The following AHI1 variants were observed in gnomAD, a reference collection of about 807,000 sequenced individuals.
The protein encoded by AHI1 is Abelson helper integration site 1, also known as jouberin.
Under a neutral mutation model 149.3 loss-of-function variants are expected in AHI1, and 123 were observed. That is an observed-to-expected ratio of 0.82 (90% CI 0.71 to 0.96). The LOEUF is 0.96. Among genes scored for constraint, AHI1 ranks in the 40% least tolerant of loss-of-function variants. AHI1 has a pLI of 0.00. For missense variants in AHI1, 1,439 were observed against 1,422.7 expected (o/e 1.01, Z -0.18); for synonymous variants, 475 against 459.8 (o/e 1.03, Z -0.42).
In AHI1 at chr6:135,442,709, G is replaced by A; in HGVS notation, c.1785C>T (p.Cys595=). 6.2e-7 allele frequency: 1 copy of A among 1,602,762 alleles called. No homozygotes were observed. Among genetic ancestry groups the A allele is most frequent in the Non-Finnish European group, 8.5e-7 (1 of 1,175,346 alleles). Residue 595 remains cysteine (C), a synonymous_variant, in exon 14 of 29, where the codon TGC becomes TGT. Transcript: ENST00000265602. Reference sequence around the variant, plus strand: ...AGAAGAGGTGTTTGTTTGGGATACGGCAAGCCTAAAAAACATACGTTTAAA... The same window carrying A: ...AGAAGAGGTGTTTGTTTGGGATACGACAAGCCTAAAAAACATACGTTTAAA... ...IKWKRLPGQA[C]RIPNKHLFSL...
intron 22 of AHI1, among the ~76,000 whole-genome samples, chr6:135,402,206 C>T (rs1467929406): frequency 1.3e-5 from 2 of 152,078 alleles, no homozygotes; most frequent in Admixed American, 6.6e-5. Flanking sequence ...GAACCTCATT[C>T]GTACACTGCT....
intron 26 of AHI1, among the ~76,000 whole-genome samples, chr6:135,317,463 C>T (rs1376435186): frequency 6.7e-6 from 1 of 148,996 alleles, no homozygotes; most frequent in Non-Finnish European, 1.5e-5. Context: ...ATTTTTGCAT[C>T]CTAGATGCCT....
chr6:135,326,849 T>C (rs1260002091), intron 24 of AHI1, among the ~76,000 whole-genome samples: 1 of 152,164 alleles, frequency 6.6e-6, no homozygotes, highest in East Asian at 1.9e-4. Context: ...CGTGAACCAC[T>C]GCACCTGGCC....
chr6:135,392,953 T>C (rs1399083816), intron 23 of AHI1, among the ~76,000 whole-genome samples: 1 of 152,210 alleles, frequency 6.6e-6, no homozygotes, highest in Non-Finnish European at 1.5e-5. Context: ...ATTATGCTTT[T>C]GAAATTTTTC....
chr6:135,470,125 A>G (rs1583398802), intron 5 of AHI1, among the ~76,000 whole-genome samples: 1 of 152,202 alleles, frequency 6.6e-6, no homozygotes, highest in African/African-American at 2.4e-5. Context: ...TGTGAGAAAA[A>G]AACTAAACGA....
At chr6:135,323,398 C>G in intron 24 of AHI1, 74 bp from the exon 25 acceptor site, 6 of 1,504,088 alleles carry the variant, frequency 4.0e-6, no homozygotes, top group Non-Finnish European at 5.4e-6. Flanking sequence ...TTCACTTCCT[C>G]TTGCAGAAGA....
intron 23 of AHI1, among the ~76,000 whole-genome samples, chr6:135,375,287 C>T (rs1003312142): frequency 7.9e-5 from 12 of 151,328 alleles, no homozygotes; most frequent in African/African-American, 2.7e-4. Flanking sequence ...GTAAGAATAC[C>T]TTAAAAAAAT....
Position 135,386,986 on chromosome 6 carries a change from G to C in AHI1, c.3109+7790C>G, listed in dbSNP as rs145341091. Reference sequence around the variant, plus strand: ...TCTGTCTCGACCTCCAGGCTCAAGTGATCCTGCCATTTCAGCCTCTTGAGC... The same window carrying C: ...TCTGTCTCGACCTCCAGGCTCAAGTCATCCTGCCATTTCAGCCTCTTGAGC... On this transcript the variant is annotated intron_variant, in intron 23 of 28. Transcript: ENST00000265602. 8.0e-3 allele frequency among the ~76,000 whole-genome samples: 1,210 copies of C among 152,104 alleles called. 8 individuals are homozygous for C. Among genetic ancestry groups the C allele is most frequent in the Non-Finnish European group, 0.012 (791 of 67,962 alleles).
Position 135,497,680 on chromosome 6 carries a change from C to T in AHI1, c.-299G>A, listed in dbSNP as rs113052089. 5,716 of 163,520 alleles carry T rather than the reference C, an allele frequency of 0.035. 156 individuals carry two copies. The highest frequency in any genetic ancestry group is 0.048 in the Admixed American group (733 of 15,318). The allele number at this position is 163,520 out of a possible 1,614,324, so 10.1% of individuals were successfully genotyped here. ...CTAGCGGCGCGTGCGCGAAGTGAGG[C>T]GGCCACGCAGCCACCTAACCCGCCA... On this transcript the variant is annotated 5_prime_UTR_variant, in exon 1 of 29. Transcript: ENST00000265602.
intron 23 of AHI1, among the ~76,000 whole-genome samples, chr6:135,373,590 A>G (rs1467719510): frequency 6.6e-6 from 1 of 152,208 alleles, no homozygotes; most frequent in Non-Finnish European, 1.5e-5. Context: ...TTTGTAGAAA[A>G]TCAGATCATG....
At chr6:135,493,719 A>G (rs1468319024) in intron 3 of AHI1, among the ~76,000 whole-genome samples, 1 of 152,180 alleles carries the variant, frequency 6.6e-6, no homozygotes, top group Non-Finnish European at 1.5e-5. Flanking sequence ...GGCCAGGAAA[A>G]AGCTGACCTA....
intron 26 of AHI1, among the ~76,000 whole-genome samples, chr6:135,313,491 G>C (rs1181032219): frequency 6.6e-6 from 1 of 152,090 alleles, no homozygotes; most frequent in African/African-American, 2.4e-5. Context: ...TAAGGTTTGG[G>C]CATCAGTGGG....
intron 23 of AHI1, among the ~76,000 whole-genome samples, chr6:135,374,518 T>C (rs888380829): frequency 6.6e-6 from 1 of 152,124 alleles, no homozygotes; most frequent in African/African-American, 2.4e-5. Flanking sequence ...TATAATTTTA[T>C]ATCTAGTAAG....
chr6:135,480,986 C>T (rs1335849201), intron 5 of AHI1, among the ~76,000 whole-genome samples: 1 of 152,220 alleles, frequency 6.6e-6, no homozygotes, highest in Non-Finnish European at 1.5e-5. Context: ...TCCCCCCCGG[C>T]CCACTCCATG....
intron 26 of AHI1, among the ~76,000 whole-genome samples, chr6:135,310,434 T>A (rs964314627): frequency 6.6e-6 from 1 of 152,186 alleles, no homozygotes. Flanking sequence ...GGAACTACCA[T>A]GAAGTTATCT....
chr6:135,338,780 T>C (rs1017202431), intron 24 of AHI1, among the ~76,000 whole-genome samples: 3 of 152,214 alleles, frequency 2.0e-5, no homozygotes, highest in African/African-American at 2.4e-5. Context: ...CTCACAACTA[T>C]GGCTGCTGTG....
Position 135,497,714 on chromosome 6 carries a change from T to G in AHI1, c.-333A>C, listed in dbSNP as rs564464576. The G allele has an allele frequency of 1.2e-5, 2 of 170,206 alleles. No individual in the cohort carries two copies. Among genetic ancestry groups the G allele is most frequent in the Non-Finnish European group, 2.6e-5 (2 of 76,788 alleles). The allele number at this position is 170,206 out of a possible 1,614,324, so 10.5% of individuals were successfully genotyped here. Reference sequence around the variant, plus strand: ...AGCCACCTAACCCGCCAGCGACCCGTGTCCTGAAAGCAAGCCGCGGCTCTG... The same window carrying G: ...AGCCACCTAACCCGCCAGCGACCCGGGTCCTGAAAGCAAGCCGCGGCTCTG... On this transcript the variant is annotated 5_prime_UTR_variant, in exon 1 of 29. Coordinates refer to ENST00000265602, the MANE Select transcript of AHI1 (RefSeq NM_001134831.2).
chr6:135,480,528 G>A (rs1157058409), intron 5 of AHI1, among the ~76,000 whole-genome samples: 9 of 152,002 alleles, frequency 5.9e-5, no homozygotes, highest in African/African-American at 1.2e-4. Context: ...TTTGTGCTAC[G>A]TGGGTCTTAC....
At chr6:135,314,432 C>A (rs1049252912) in intron 26 of AHI1, among the ~76,000 whole-genome samples, 5 of 152,184 alleles carry the variant, frequency 3.3e-5, no homozygotes, top group Non-Finnish European at 7.3e-5. Flanking sequence ...GTTATTTAAG[C>A]CACCCAGTCT....
Sources: gnomAD v4.1 joint callset for allele counts (sites outside exome capture counted in the v4.1 genomes callset) on GRCh38, gnomAD v4.1.1 for gene constraint, MANE v1.5 for transcripts, NCBI Gene and HGNC (gene_info 2026-07-23, HGNC 2026-07-21) for gene names.